AGBL1: variants seen among roughly 807,000 people sequenced by gnomAD.
AGBL1 encodes cytosolic carboxypeptidase 4.
AGBL1 carries 130 observed loss-of-function variants against 118.9 expected under a neutral mutation model. The ratio of observed to expected loss-of-function variants is 1.09; its 90% CI spans 0.95 to 1.26. The LOEUF is 1.26. AGBL1 is among the 50% of genes most tolerant of loss of function. The probability of loss-of-function intolerance (pLI) is 0.00; values close to 1 mark genes in which losing one functional copy is unlikely to be tolerated. For missense variants in AGBL1, 1,584 were observed against 1,298.1 expected, an observed-to-expected ratio of 1.22 and a Z score of -3.38; for synonymous variants, 555 against 478.9, an observed-to-expected ratio of 1.16 and a Z score of -2.08.
At chr15:86,610,146 T>C (rs900501804) in intron 21 of AGBL1, among the ~76,000 whole-genome samples, 2 of 152,220 alleles carry the variant, frequency 1.3e-5, no homozygotes, top group Non-Finnish European at 2.9e-5. Context: ...TGATCTCCTC[T>C]TTCTGTAGCA....
intron 22 of AGBL1, among the ~76,000 whole-genome samples, chr15:86,739,847 A>G (rs1220173437): frequency 6.6e-6 from 1 of 152,196 alleles, no homozygotes; most frequent in Non-Finnish European, 1.5e-5. Flanking sequence ...TTGTGACACT[A>G]AGTTTATAAA....
At chr15:86,641,028 T>A (rs974098679) in intron 21 of AGBL1, among the ~76,000 whole-genome samples, 6 of 152,080 alleles carry the variant, frequency 3.9e-5, no homozygotes, top group African/African-American at 1.2e-4. Flanking sequence ...ATGGCTTAGT[T>A]ACCTCTTTTG....
At chr15:86,709,183 C>G (rs2086509667) in intron 22 of AGBL1, among the ~76,000 whole-genome samples, 1 of 152,162 alleles carries the variant, frequency 6.6e-6, no homozygotes. Context: ...TACTCATCAT[C>G]TGAAGACAGA....
At chr15:86,447,846 C>G (rs1166204801) in intron 18 of AGBL1, among the ~76,000 whole-genome samples, 1 of 152,098 alleles carries the variant, frequency 6.6e-6, no homozygotes, top group African/African-American at 2.4e-5. Flanking sequence ...TAAGGCAACA[C>G]AAAAGGATCA....
At chr15:86,704,661 G>C (rs537121240) in intron 22 of AGBL1, among the ~76,000 whole-genome samples, 2 of 152,276 alleles carry the variant, frequency 1.3e-5, no homozygotes, top group South Asian at 4.1e-4. Flanking sequence ...TGGAGAAACA[G>C]GAACGCTTTT....
At chr15:86,428,211 G>C (rs980643130) in intron 18 of AGBL1, among the ~76,000 whole-genome samples, 2 of 152,178 alleles carry the variant, frequency 1.3e-5, no homozygotes, top group Non-Finnish European at 2.9e-5. Context: ...GAAACCCTGG[G>C]TATTTGGAAT....
intron 1 of AGBL1, among the ~76,000 whole-genome samples, chr15:86,125,891 T>A (rs74848738): frequency 4.8e-4 from 73 of 152,326 alleles, no homozygotes; most frequent in Middle Eastern, 6.8e-3. Flanking sequence ...ATCTCCTTAG[T>A]TTTTGGAATT....
At chr15:86,230,331 C>T (rs1219232752) in intron 6 of AGBL1, among the ~76,000 whole-genome samples, 2 of 152,082 alleles carry the variant, frequency 1.3e-5, no homozygotes, top group African/African-American at 4.8e-5. Flanking sequence ...AAAGAAGGGG[C>T]CATCTTTGAT....
intron 18 of AGBL1, among the ~76,000 whole-genome samples, chr15:86,476,787 A>C (rs1042753576): frequency 6.6e-6 from 1 of 152,210 alleles, no homozygotes; most frequent in Admixed American, 6.5e-5. Context: ...CATTCTTCTC[A>C]GCACCACATT....
At chr15:86,782,634 G>C (rs574705447) in intron 22 of AGBL1, among the ~76,000 whole-genome samples, 16 of 152,244 alleles carry the variant, frequency 1.1e-4, no homozygotes, top group African/African-American at 3.9e-4. Context: ...ATTAATTTTT[G>C]CTTCAAGTTG....
intron 21 of AGBL1, among the ~76,000 whole-genome samples, chr15:86,637,014 A>G (rs1023971943): frequency 2.0e-5 from 3 of 151,860 alleles, no homozygotes; most frequent in Admixed American, 6.6e-5. Flanking sequence ...AGTAACTATC[A>G]TAGAAATGCT....
intron 21 of AGBL1, among the ~76,000 whole-genome samples, chr15:86,586,589 A>G (rs1567071557): frequency 6.6e-6 from 1 of 152,176 alleles, no homozygotes; most frequent in Admixed American, 6.6e-5. Flanking sequence ...GCAGCCCAGG[A>G]AAACAGTCTC....
intron 9 of AGBL1, chr15:86,262,487 A>C (rs546864069): frequency 2.5e-6 from 1 of 398,824 alleles, no homozygotes; most frequent in Admixed American, 3.6e-5. Context: ...AATTTCTTTT[A>C]TAATGTGCTT....
At chr15:86,714,888 G>A (rs2086614733) in intron 22 of AGBL1, among the ~76,000 whole-genome samples, 1 of 152,150 alleles carries the variant, frequency 6.6e-6, no homozygotes, top group South Asian at 2.1e-4. Flanking sequence ...TCTCCCAGCA[G>A]GCATGCAATC....
At chr15:86,938,675 T>A (rs921714103) in intron 23 of AGBL1, 1 of 151,880 alleles carries the variant, frequency 6.6e-6, no homozygotes, top group African/African-American at 2.4e-5. Flanking sequence ...AGGTATGAGG[T>A]TTTGGAGCAG....
chr15:86,812,125 C>A (rs1270242436), intron 22 of AGBL1, among the ~76,000 whole-genome samples: 2 of 152,200 alleles, frequency 1.3e-5, no homozygotes, highest in African/African-American at 4.8e-5. Flanking sequence ...GATACCCATC[C>A]TAGCCTAGTA....
At chr15:86,823,646 T>G (rs2078970353) in intron 22 of AGBL1, among the ~76,000 whole-genome samples, 1 of 152,152 alleles carries the variant, frequency 6.6e-6, no homozygotes, top group Non-Finnish European at 1.5e-5. Flanking sequence ...GAAATCTATA[T>G]GAGAATGTAT....
chr15:86,700,511 A>ACACAC (rs766574039), intron 22 of AGBL1, among the ~76,000 whole-genome samples: 2 of 40,200 alleles, frequency 5.0e-5, no homozygotes, highest in Non-Finnish European at 8.2e-5. Context: ...ACACACACAC[A>ACACAC]AAATCTCTCT....
chr15:86,957,011 G>A (rs2080938173), intron 23 of AGBL1, among the ~76,000 whole-genome samples: 1 of 151,890 alleles, frequency 6.6e-6, no homozygotes, highest in Non-Finnish European at 1.5e-5. Context: ...AGGCAATTGG[G>A]CACAAAAAGA....
Sources: gnomAD v4.1 joint callset for allele counts (sites outside exome capture counted in the v4.1 genomes callset) on GRCh38, gnomAD v4.1.1 for gene constraint, MANE v1.5 for transcripts, NCBI Gene and HGNC (gene_info 2026-07-23, HGNC 2026-07-21) for gene names.